The following UBE2D3 variants were observed in gnomAD, a reference collection of about 807,000 sequenced individuals.
The protein encoded by UBE2D3 is ubiquitin conjugating enzyme E2 D3, also known as ubiquitin-conjugating enzyme E2 D3.
A neutral mutation model predicts 22.8 loss-of-function variants in UBE2D3; 2 were observed. The ratio of observed to expected loss-of-function variants is 0.09; its 90% CI spans 0.04 to 0.28. UBE2D3 has a LOEUF of 0.28. Ranked by LOEUF, UBE2D3 falls within the 10% of genes least tolerant of loss-of-function variation. The probability of loss-of-function intolerance (pLI) is 1.00; values close to 1 mark genes in which losing one functional copy is unlikely to be tolerated. For missense variants in UBE2D3, 27 were observed against 182.5 expected (o/e 0.15, Z 4.91); for synonymous variants, 56 against 60.4 (o/e 0.93, Z 0.34).
chr4:102,832,998 CA>C lies in UBE2D3; in HGVS notation c.-128-6363del, dbSNP rs5860735. On this transcript the variant is annotated intron_variant, in intron 1 of 7. Coordinates refer to the UBE2D3 transcript ENST00000338145. ...GGTGACAGAGTGAGACCCTGTCTCT[CA>C]AAAAAAAAAAAAAATGTTTATAGAA... 4.9e-3 allele frequency among the ~76,000 whole-genome samples: 622 copies of C among 125,858 alleles called. 2 individuals carry two copies. The highest frequency in any genetic ancestry group is 0.012 in the African/African-American group (407 of 35,042). 82.6% of individuals were successfully genotyped at this position (125,858 alleles called of 152,430 possible).
chr4:102,847,303 T>C lies in UBE2D3; in HGVS notation c.-128-20667A>G, dbSNP rs577050170. ...CAGTCATTTTCTTTTTGTTGTTGTT[T>C]ATGATAGTGTCTCACTCCGTCGCCC... On this transcript the variant is annotated intron_variant, in intron 1 of 7. Transcript: ENST00000338145. 4.4e-4 allele frequency among the ~76,000 whole-genome samples: 67 copies of C among 152,280 alleles called. 1 individual carries two copies. Among genetic ancestry groups the C allele is most frequent in the Admixed American group, 4.3e-3 (65 of 15,286 alleles).
At chr4:102,831,908 T>TA (rs1167123438), upstream of UBE2D3, among the ~76,000 whole-genome samples, 1 of 152,216 alleles carries the variant, frequency 6.6e-6, no homozygotes, top group Non-Finnish European at 1.5e-5. Flanking sequence ...GATCTGTTGA[T>TA]AGAGTCACTC....
At chr4:102,846,506 G>A (rs573503573) in intron 1 of UBE2D3, among the ~76,000 whole-genome samples, 6 of 152,320 alleles carry the variant, frequency 3.9e-5, no homozygotes, top group Non-Finnish European at 7.3e-5. Flanking sequence ...TGCTGTCCAA[G>A]TTTCTGCTGA....
chr4:102,809,930 A>G (rs922449883), intron 2 of UBE2D3, 75 bp from the exon 3 acceptor site: 19 of 1,422,228 alleles, frequency 1.3e-5, no homozygotes, highest in Non-Finnish European at 1.6e-5. Context: ...CACTGCTTTC[A>G]GTTACTTTCA....
At chr4:102,848,927 G>C (rs1181744750) in intron 1 of UBE2D3, among the ~76,000 whole-genome samples, 2 of 34,834 alleles carry the variant, frequency 5.7e-5, no homozygotes, top group African/African-American at 2.2e-4. Context: ...GTGCCTGTGT[G>C]TGTGTGTGTG....
rs1725333374 is a variant in UBE2D3 at position 102,796,989 on chromosome 4, T to C, written c.*426A>G. On this transcript the variant is annotated 3_prime_UTR_variant, in exon 8 of 8. Coordinates refer to ENST00000453744, the MANE Select transcript of UBE2D3 (RefSeq NM_181891.3). Reference sequence around the variant, plus strand: ...TAACAGTGGAAGGCTTAAACAAGAATGGATGCTGCTAGAATAATGCTGTAT... The same window carrying C: ...TAACAGTGGAAGGCTTAAACAAGAACGGATGCTGCTAGAATAATGCTGTAT... 2 of 156,550 alleles carry C rather than the reference T, an allele frequency of 1.3e-5. No homozygotes were observed. Among genetic ancestry groups the C allele is most frequent in the Admixed American group, 1.3e-4 (2 of 15,718 alleles). 9.7% of individuals were successfully genotyped at this position (156,550 alleles called of 1,614,324 possible).
At chr4:102,798,961 T>C in intron 7 of UBE2D3, 1 of 1,611,876 alleles carries the variant, frequency 6.2e-7, no homozygotes, top group African/African-American at 1.3e-5. Context: ...GTCCACTCTC[T>C]TGCTAACCTA....
rs200148388 is a variant in UBE2D3, at chr4:102,801,476, C to A, written c.282G>T (p.Ser94=). The A allele has an allele frequency of 1.9e-6, 3 of 1,607,022 alleles. No individual in the cohort carries two copies. Among genetic ancestry groups the A allele is most frequent in the Non-Finnish European group, 1.7e-6 (2 of 1,177,056 alleles). The change falls in exon 6 of 8, where the codon TCG becomes TCT. Residue 94 remains serine (S), a synonymous_variant. Transcript: ENST00000453744. ...TACCTTTAGAAATTGTTAAAGCAGG[C>A]GACCACTGTGATCTTAGAATATCGA... ...ICLDILRSQW[S]PALTISKVLL...
intron 2 of UBE2D3, among the ~76,000 whole-genome samples, chr4:102,823,108 A>C (rs1336977123): frequency 6.6e-6 from 1 of 152,182 alleles, no homozygotes; most frequent in Non-Finnish European, 1.5e-5. Flanking sequence ...TGTCTTGAGG[A>C]TTAAATGAGT....
upstream of UBE2D3, among the ~76,000 whole-genome samples, chr4:102,829,522 T>C (rs1442634410): frequency 6.6e-6 from 1 of 152,216 alleles, no homozygotes; most frequent in Non-Finnish European, 1.5e-5. Context: ...GACTGTCCTT[T>C]CTCACAGGGT....
intron 1 of UBE2D3, among the ~76,000 whole-genome samples, chr4:102,858,227 AGT>A (rs1210996645): frequency 6.6e-6 from 1 of 152,032 alleles, no homozygotes. Context: ...TGAAAATAGT[AGT>A]GGCTATTTTA....
chr4:102,824,708 C>T (rs1461555415), intron 2 of UBE2D3, among the ~76,000 whole-genome samples: 2 of 152,226 alleles, frequency 1.3e-5, no homozygotes, highest in East Asian at 3.8e-4. Flanking sequence ...TTAACGTGTT[C>T]TGTTCCACAT....
intron 2 of UBE2D3, among the ~76,000 whole-genome samples, chr4:102,820,302 A>G (rs1729394774): frequency 6.6e-6 from 1 of 152,238 alleles, no homozygotes; most frequent in African/African-American, 2.4e-5. Flanking sequence ...GGGAACAACA[A>G]ACTTCAGAAA....
intron 1 of UBE2D3, among the ~76,000 whole-genome samples, chr4:102,863,318 C>T (rs190218825): frequency 2.1e-3 from 313 of 151,078 alleles, no homozygotes; most frequent in Non-Finnish European, 3.4e-3. Context: ...CCCAAAGTGC[C>T]GGGATTACAG....
upstream of UBE2D3, among the ~76,000 whole-genome samples, chr4:102,832,321 G>T (rs1731156526): frequency 6.6e-6 from 1 of 151,146 alleles, no homozygotes; most frequent in Non-Finnish European, 1.5e-5. Flanking sequence ...GAGCGGCAAG[G>T]AGAGAATGAG....
chr4:102,859,366 T>C (rs223345), intron 1 of UBE2D3, among the ~76,000 whole-genome samples: 81,669 of 151,746 alleles, frequency 0.54, 23,093 homozygotes, highest in African/African-American at 0.68. Context: ...AATTTGATCA[T>C]AATGTGTCTC....
At chr4:102,846,812 T>A (rs1732060266) in intron 1 of UBE2D3, among the ~76,000 whole-genome samples, 1 of 131,276 alleles carries the variant, frequency 7.6e-6, no homozygotes, top group Non-Finnish European at 1.6e-5. Context: ...GCTAATTAAA[T>A]TTTTTTTTTT....
At chr4:102,802,694 C>A in intron 4 of UBE2D3, 56 bp from the exon 5 acceptor site, 2 of 1,367,174 alleles carry the variant, frequency 1.5e-6, no homozygotes, top group East Asian at 2.4e-5. Flanking sequence ...CTAAATATTC[C>A]GTAACATTTG....
chr4:102,815,295 C>A (rs1323399142), intron 2 of UBE2D3, among the ~76,000 whole-genome samples: 4 of 152,118 alleles, frequency 2.6e-5, no homozygotes, highest in African/African-American at 9.7e-5. Flanking sequence ...TCACCTTGGC[C>A]TCCCAAAGTG....
Sources: allele counts gnomAD v4.1 joint callset (sites outside exome capture counted in the v4.1 genomes callset), GRCh38; gene constraint gnomAD v4.1.1; transcripts MANE v1.5; gene names NCBI Gene and HGNC (gene_info 2026-07-23, HGNC 2026-07-21).